The following GPM6B variants were observed in gnomAD, a reference collection of about 807,000 sequenced individuals.
GPM6B encodes the protein glycoprotein M6B.
In GPM6B, 4 loss-of-function variants were observed where a neutral mutation model predicts 27.2. The ratio of observed to expected loss-of-function variants is 0.15; its 90% CI spans 0.07 to 0.34. GPM6B has a LOEUF of 0.34. GPM6B is among the 10% of genes least tolerant of loss of function. The pLI is 1.00. For missense variants in GPM6B, 183 were observed against 261.9 expected, an observed-to-expected ratio of 0.70 and a Z score of 2.08; for synonymous variants, 124 against 103.1, an observed-to-expected ratio of 1.20 and a Z score of -1.23.
intron 3 of GPM6B, among the ~76,000 whole-genome samples, chrX:13,784,525 A>G (rs1026746983): frequency 3.6e-5 from 4 of 112,290 alleles, no homozygotes; most frequent in Admixed American, 9.4e-5. Context: ...TGACCATTCC[A>G]TAAAAATTCA....
chrX:13,938,295 C>A (rs1603157941), intron 1 of GPM6B: 2 of 101,195 alleles, frequency 2.0e-5, no homozygotes, highest in South Asian at 1.2e-3. Context: ...GCGGGGACCA[C>A]CCCCCCCACA....
intron 2 of GPM6B, among the ~76,000 whole-genome samples, chrX:13,792,878 G>A (rs1250236026): frequency 1.0e-5 from 1 of 98,489 alleles, no homozygotes; most frequent in African/African-American, 3.8e-5. Context: ...CCAGCCTGGC[G>A]ACAGAGCGAG....
chrX:13,846,697 G>A (rs1166350714), intron 1 of GPM6B, among the ~76,000 whole-genome samples: 2 of 106,003 alleles, frequency 1.9e-5, no homozygotes, highest in African/African-American at 6.9e-5. Flanking sequence ...GTTTCACCAT[G>A]TTAGCCAGGA....
intron 1 of GPM6B, among the ~76,000 whole-genome samples, chrX:13,928,216 C>A (rs1172357160): frequency 8.9e-6 from 1 of 112,059 alleles, no homozygotes; most frequent in African/African-American, 3.2e-5. Flanking sequence ...CAGCCTGAGG[C>A]GGCTTCTAAG....
At chrX:13,893,829 T>C (rs1359188432) in intron 1 of GPM6B, among the ~76,000 whole-genome samples, 2 of 112,823 alleles carry the variant, frequency 1.8e-5, no homozygotes, top group Non-Finnish European at 3.7e-5. Context: ...TAATTGAGCC[T>C]GGTGCATGTA....
intron 3 of GPM6B, among the ~76,000 whole-genome samples, chrX:13,785,372 T>C (rs2048589936): frequency 9.0e-6 from 1 of 111,371 alleles, no homozygotes. Flanking sequence ...AACATCCACC[T>C]CCTGGGTTCA....
intron 1 of GPM6B, among the ~76,000 whole-genome samples, chrX:13,812,480 T>G (rs2049156564): frequency 8.9e-6 from 1 of 111,776 alleles, no homozygotes; most frequent in South Asian, 3.7e-4. Context: ...CCATCCCTAC[T>G]CCTGGCCAAC....
chrX:13,870,374 C>T (rs1458096438), intron 1 of GPM6B, among the ~76,000 whole-genome samples: 7 of 112,322 alleles, frequency 6.2e-5, no homozygotes, highest in Non-Finnish European at 9.4e-5. Context: ...ATCTGTGAAG[C>T]CTTTTAAACA....
chrX:13,861,140 T>C (rs2049846894), intron 1 of GPM6B, among the ~76,000 whole-genome samples: 1 of 88,443 alleles, frequency 1.1e-5, no homozygotes, highest in East Asian at 4.0e-4. Context: ...ATATATATAA[T>C]ATACATATAT....
intron 1 of GPM6B, among the ~76,000 whole-genome samples, chrX:13,892,022 G>A (rs1229055786): frequency 1.8e-5 from 2 of 111,593 alleles, no homozygotes; most frequent in African/African-American, 6.5e-5. Flanking sequence ...CATGCACTGG[G>A]CATGTTTCTT....
chrX:13,871,513 C>T (rs1297158323), intron 1 of GPM6B, among the ~76,000 whole-genome samples: 3 of 112,202 alleles, frequency 2.7e-5, no homozygotes, highest in African/African-American at 9.7e-5. Context: ...CCTTTCTCCT[C>T]AAAGTGTGGC....
intron 1 of GPM6B, among the ~76,000 whole-genome samples, chrX:13,860,781 AC>A (rs1205876058): frequency 9.3e-6 from 1 of 107,655 alleles, no homozygotes; most frequent in Non-Finnish European, 1.9e-5. Flanking sequence ...ATCCCTTGCC[AC>A]CCCCAGCCTT....
At chrX:13,808,463 G>T (rs1358057097) in intron 1 of GPM6B, among the ~76,000 whole-genome samples, 2 of 111,850 alleles carry the variant, frequency 1.8e-5, no homozygotes, top group Admixed American at 9.5e-5. Context: ...CTGGTAATAT[G>T]ATACAATATT....
At position 13,785,714 on chromosome X, in the gene GPM6B, G is replaced by T; in HGVS notation, c.276C>A (p.Cys92Ter). ...CTGCGAGAGCCACATGCCCACAGCC[G>T]CAGAATAAGGCCACCCCGGAGAAGC... ...ILCFSGVALFCGCGHVALAGT... is the reference protein window; with the variant it reads ...ILCFSGVALF The change falls in exon 3 of 8, where the codon TGC becomes TGA. Residue 92 changes from cysteine (C) to a stop codon, truncating the protein, a stop_gained. Transcript: ENST00000316715. LOFTEE classifies it high-confidence loss of function. 1 of 1,210,996 alleles carries T rather than the reference G, an allele frequency of 8.3e-7. No homozygotes were observed. Among genetic ancestry groups the T allele is most frequent in the Non-Finnish European group, 1.1e-6 (1 of 894,600 alleles).
chrX:13,905,747 C>A (rs1488838012), intron 1 of GPM6B, among the ~76,000 whole-genome samples: 1 of 111,519 alleles, frequency 9.0e-6, no homozygotes, highest in Non-Finnish European at 1.9e-5. Context: ...TGCTGCCTGC[C>A]TTCCCAGTTT....
At chrX:13,829,491 G>A (rs1222676353) in intron 1 of GPM6B, among the ~76,000 whole-genome samples, 1 of 111,673 alleles carries the variant, frequency 9.0e-6, no homozygotes, top group Non-Finnish European at 1.9e-5. Flanking sequence ...GAGAGGTAGA[G>A]AGAGGAAAGA....
intron 1 of GPM6B, among the ~76,000 whole-genome samples, chrX:13,908,292 A>C (rs2050347621): frequency 8.9e-6 from 1 of 111,997 alleles, no homozygotes; most frequent in Non-Finnish European, 1.9e-5. Context: ...CAGCAGTGAG[A>C]TATATTGGCA....
At chrX:13,932,589 T>C (rs1921629850) in intron 1 of GPM6B, among the ~76,000 whole-genome samples, 2 of 111,912 alleles carry the variant, frequency 1.8e-5, no homozygotes, top group South Asian at 7.6e-4. Flanking sequence ...AATACTCCCC[T>C]GAGAGCCCCA....
intron 1 of GPM6B, among the ~76,000 whole-genome samples, chrX:13,877,084 C>T (rs2050041024): frequency 9.0e-6 from 1 of 111,070 alleles, no homozygotes; most frequent in South Asian, 3.9e-4. Flanking sequence ...ACAAAACAGC[C>T]CCTCACCACC....
Sources: gnomAD v4.1 joint callset for allele counts (sites outside exome capture counted in the v4.1 genomes callset) on GRCh38, gnomAD v4.1.1 for gene constraint, MANE v1.5 for transcripts, NCBI Gene and HGNC (gene_info 2026-07-23, HGNC 2026-07-21) for gene names.